Variants in MECOM observed in about 807,000 individuals in gnomAD.
MECOM encodes the protein histone-lysine N-methyltransferase MECOM.
In MECOM, 13 loss-of-function variants were observed where a neutral mutation model predicts 116.3. That is an observed-to-expected ratio of 0.11 (90% CI 0.07 to 0.18). The LOEUF (loss-of-function observed/expected upper bound fraction) is 0.18, where lower values mean the gene tolerates loss of function less well. Among genes scored for constraint, MECOM ranks in the 10% least tolerant of loss-of-function variants. The pLI is 1.00. For synonymous variants in MECOM, 528 were observed against 535.2 expected, an observed-to-expected ratio of 0.99 and a Z score of 0.19; for missense variants, 1,299 against 1,509.0, an observed-to-expected ratio of 0.86 and a Z score of 2.31.
At chr3:169,246,653 C>T in intron 2 of MECOM, among the ~76,000 whole-genome samples, 1 of 151,682 alleles carries the variant, frequency 6.6e-6, no homozygotes. Flanking sequence ...CTCCGAGTAG[C>T]TGGCACTACA....
intron 2 of MECOM, among the ~76,000 whole-genome samples, chr3:169,185,832 C>A (rs994127503): frequency 6.6e-6 from 1 of 152,138 alleles, no homozygotes; most frequent in African/African-American, 2.4e-5. Context: ...GTAATTCAAC[C>A]GAGTCTTTTC....
At chr3:169,212,217 A>T (rs1750813582) in intron 2 of MECOM, among the ~76,000 whole-genome samples, 1 of 152,052 alleles carries the variant, frequency 6.6e-6, no homozygotes, top group Admixed American at 6.6e-5. Context: ...CGCTTAATGC[A>T]GCAGCATCTC....
Position 169,084,859 on chromosome 3 carries a change from G to A in MECOM, c.*50C>T. ...GTCTTGTAAATAGTCCTATATGAAA[G>A]AGCCATGCTACTGTTGGACTTGGTC... is the stretch of plus-strand genomic sequence containing the variant. On this transcript the variant is annotated 3_prime_UTR_variant, in exon 17 of 17. Transcript: ENST00000651503. 3 of 1,610,228 alleles carry A rather than the reference G, an allele frequency of 1.9e-6. No individual in the cohort carries two copies. The highest frequency in any genetic ancestry group is 2.5e-6 in the Non-Finnish European group (3 of 1,177,424).
intron 1 of MECOM, among the ~76,000 whole-genome samples, chr3:169,641,809 A>G (rs566992309): frequency 6.6e-6 from 1 of 152,342 alleles, no homozygotes; most frequent in African/African-American, 2.4e-5. Context: ...GGGTCTTCTG[A>G]CAATATGATA....
At chr3:169,476,126 A>G (rs570229325) in intron 1 of MECOM, among the ~76,000 whole-genome samples, 30 of 152,294 alleles carry the variant, frequency 2.0e-4, no homozygotes, top group African/African-American at 6.7e-4. Context: ...AGGGAAACAT[A>G]TATATAGTAT....
intron 2 of MECOM, among the ~76,000 whole-genome samples, chr3:169,243,630 T>A (rs1266312070): frequency 6.6e-6 from 1 of 152,144 alleles, no homozygotes; most frequent in Non-Finnish European, 1.5e-5. Context: ...AAAATCCAGG[T>A]TAATTCAAAG....
intron 2 of MECOM, among the ~76,000 whole-genome samples, chr3:169,376,078 C>A (rs1730982211): frequency 6.6e-6 from 1 of 151,860 alleles, no homozygotes; most frequent in South Asian, 2.1e-4. Context: ...TGAAAAAAAA[C>A]ACAGGATTAT....
chr3:169,306,043 G>A (rs6778349), intron 2 of MECOM, among the ~76,000 whole-genome samples: 21,004 of 151,872 alleles, frequency 0.14, 2,008 homozygotes, highest in East Asian at 0.41. Context: ...CATTGTTACC[G>A]CTCTGTTCCT....
intron 2 of MECOM, among the ~76,000 whole-genome samples, chr3:169,226,817 CT>C (rs1752781686): frequency 6.6e-6 from 1 of 152,142 alleles, no homozygotes; most frequent in South Asian, 2.1e-4. Flanking sequence ...AATCTCAGAA[CT>C]TCATTAAAAG....
intron 14 of MECOM, 33 bp downstream of exon 14, chr3:169,092,925 T>C (rs368422086): frequency 8.3e-5 from 134 of 1,608,838 alleles, no homozygotes; most frequent in Non-Finnish European, 1.0e-4. Flanking sequence ...ATTTCAGTCG[T>C]CACAGAGTTT....
chr3:169,118,358 G>T (rs767150136), intron 7 of MECOM, among the ~76,000 whole-genome samples: 1 of 152,128 alleles, frequency 6.6e-6, no homozygotes, highest in Non-Finnish European at 1.5e-5. Flanking sequence ...GAAGATGTGG[G>T]TGATATCTTT....
At chr3:169,338,555 C>A (rs1403301646) in intron 2 of MECOM, among the ~76,000 whole-genome samples, 1 of 151,306 alleles carries the variant, frequency 6.6e-6, no homozygotes, top group African/African-American at 2.4e-5. Flanking sequence ...ATAGATAACA[C>A]TTTTTTCTGA....
chr3:169,554,003 C>T (rs1326578076), intron 1 of MECOM, among the ~76,000 whole-genome samples: 1 of 152,154 alleles, frequency 6.6e-6, no homozygotes, highest in Non-Finnish European at 1.5e-5. Context: ...GGGAGGGTCA[C>T]AATTCAGTCC....
Position 169,521,178 on chromosome 3 carries a change from G to C in MECOM, c.38-139654C>G, listed in dbSNP as rs1017388660. Reference sequence around the variant, plus strand: ...GGGTGAGTATCAAAGACCTAGGCTGGTTGGGTCCAGAGTTCTGGGGCCAGA... The same window carrying C: ...GGGTGAGTATCAAAGACCTAGGCTGCTTGGGTCCAGAGTTCTGGGGCCAGA... On this transcript the variant is annotated intron_variant, in intron 1 of 16. Transcript: ENST00000651503. 5.3e-5 allele frequency among the ~76,000 whole-genome samples: 8 copies of C among 152,284 alleles called. No individual in the cohort carries two copies. In the East Asian group the frequency reaches 1.5e-3, roughly 29 times the overall value.
At chr3:169,614,015 A>C (rs1769631929) in intron 1 of MECOM, among the ~76,000 whole-genome samples, 1 of 152,046 alleles carries the variant, frequency 6.6e-6, no homozygotes, top group African/African-American at 2.4e-5. Flanking sequence ...AAAACTGATG[A>C]GCTCACATAT....
At chr3:169,141,078 A>G (rs906502733) in intron 3 of MECOM, among the ~76,000 whole-genome samples, 2 of 152,048 alleles carry the variant, frequency 1.3e-5, no homozygotes, top group Admixed American at 1.3e-4. Flanking sequence ...ATTTTTAAAA[A>G]TATGTATCTT....
At chr3:169,548,061 T>A (rs1265918663) in intron 1 of MECOM, among the ~76,000 whole-genome samples, 1 of 152,214 alleles carries the variant, frequency 6.6e-6, no homozygotes, top group Non-Finnish European at 1.5e-5. Context: ...CCAATTTCAT[T>A]ATCTTTTCCC....
intron 2 of MECOM, chr3:169,145,060 T>C (rs1281728437): frequency 6.5e-7 from 1 of 1,529,964 alleles, no homozygotes; most frequent in African/African-American, 1.4e-5. Flanking sequence ...TGAATAAGCC[T>C]TTGGCCATGA....
chr3:169,203,253 C>T (rs561934111), intron 2 of MECOM, among the ~76,000 whole-genome samples: 1 of 152,258 alleles, frequency 6.6e-6, no homozygotes, highest in African/African-American at 2.4e-5. Context: ...AATTGATCAA[C>T]ACACATCTCC....
Sources: allele counts gnomAD v4.1 joint callset (sites outside exome capture counted in the v4.1 genomes callset), GRCh38; gene constraint gnomAD v4.1.1; transcripts MANE v1.5; gene names NCBI Gene and HGNC (gene_info 2026-07-23, HGNC 2026-07-21).